Variants in STX17 observed in about 807,000 individuals in gnomAD.
STX17 encodes syntaxin-17.
In STX17, 29 loss-of-function variants were observed where a neutral mutation model predicts 35.9. That is an observed-to-expected ratio of 0.81 (90% CI 0.60 to 1.10). The LOEUF is 1.10. STX17 is among the 50% of genes least tolerant of loss of function. STX17 has a pLI of 0.00. For missense variants in STX17, 312 were observed against 352.3 expected, an observed-to-expected ratio of 0.89 and a Z score of 0.92; for synonymous variants, 92 against 118.3, an observed-to-expected ratio of 0.78 and a Z score of 1.44.
chr9:99,947,526 A>G (rs929466788), intron 3 of STX17, among the ~76,000 whole-genome samples: 3 of 152,142 alleles, frequency 2.0e-5, no homozygotes, highest in Non-Finnish European at 2.9e-5. Flanking sequence ...TATAGAAATT[A>G]TTTGAAGCTA....
At chr9:99,961,667 C>A (rs922312142) in intron 6 of STX17, among the ~76,000 whole-genome samples, 1 of 151,894 alleles carries the variant, frequency 6.6e-6, no homozygotes, top group Non-Finnish European at 1.5e-5. Flanking sequence ...TTCTTTGTTT[C>A]TGATCTAACC....
intron 7 of STX17, among the ~76,000 whole-genome samples, chr9:99,968,205 A>G (rs189937065): frequency 5.3e-5 from 8 of 152,330 alleles, no homozygotes; most frequent in East Asian, 1.9e-4. Context: ...AGTAAAATCA[A>G]TTTGTAGCAG....
chr9:99,966,913 C>T (rs1031553490), intron 6 of STX17, among the ~76,000 whole-genome samples: 1 of 152,220 alleles, frequency 6.6e-6, no homozygotes, highest in Non-Finnish European at 1.5e-5. Context: ...GGAGATTGAC[C>T]TGATGACCTC....
At chr9:99,943,852 C>G (rs935946054) in intron 3 of STX17, among the ~76,000 whole-genome samples, 2 of 152,064 alleles carry the variant, frequency 1.3e-5, no homozygotes, top group Non-Finnish European at 2.9e-5. Context: ...TTTTCTGTGC[C>G]TTTGAAGAAT....
rs140592072 is a variant in STX17 at position 99,935,965 on chromosome 9, T to C, written c.189+7122T>C. 1.2e-4 allele frequency among the ~76,000 whole-genome samples: 18 copies of C among 152,296 alleles called. No individual in the cohort carries two copies. In the East Asian group the frequency reaches 3.5e-3, roughly 29 times the overall value. On this transcript the variant is annotated intron_variant, in intron 3 of 7. Coordinates refer to ENST00000259400, the MANE Select transcript of STX17 (RefSeq NM_017919.3). ...TCAAAGAGATCAGAGGGTCAGATCATGGAGAGCCTTGCAGGATATGGTAAC... is the reference window on the plus strand; with the variant it reads ...TCAAAGAGATCAGAGGGTCAGATCACGGAGAGCCTTGCAGGATATGGTAAC...
chr9:99,928,970 A>G (rs1033301455), intron 3 of STX17, 127 bp downstream of exon 3: 2 of 779,524 alleles, frequency 2.6e-6, no homozygotes, highest in African/African-American at 1.8e-5. Context: ...TTGAGGATAC[A>G]TTTTTAGCAG....
chr9:99,951,300 T>TA lies in STX17; in HGVS notation c.415+17dup. 1 of 1,609,012 alleles carries TA rather than the reference T, an allele frequency of 6.2e-7. No homozygotes were observed. Among genetic ancestry groups the TA allele is most frequent in the Non-Finnish European group, 8.5e-7 (1 of 1,176,138 alleles). ...GACTGTTGGTGGTAATGTATTGTGC[T>TA]AAGTCTTATTCTCAGTCACAGTAGT... On this transcript the variant is annotated intron_variant, in intron 4 of 7. Coordinates refer to ENST00000259400, the MANE Select transcript of STX17 (RefSeq NM_017919.3).
chr9:99,965,135 G>C (rs1408149516), intron 6 of STX17, among the ~76,000 whole-genome samples: 1 of 152,136 alleles, frequency 6.6e-6, no homozygotes, highest in Non-Finnish European at 1.5e-5. Flanking sequence ...TCAAATGCTG[G>C]TGATTGCAAT....
At chr9:99,919,488 G>A (rs1048216843) in intron 2 of STX17, among the ~76,000 whole-genome samples, 1 of 152,148 alleles carries the variant, frequency 6.6e-6, no homozygotes, top group African/African-American at 2.4e-5. Flanking sequence ...TTGGTTTGCT[G>A]AGTCAGTTAC....
chr9:99,967,999 T>C (rs1044448614), intron 7 of STX17, among the ~76,000 whole-genome samples: 2 of 152,240 alleles, frequency 1.3e-5, no homozygotes, highest in Non-Finnish European at 2.9e-5. Context: ...AGGGAATATT[T>C]GCAGAGGGTA....
chr9:99,940,335 T>C (rs554260949), intron 3 of STX17, among the ~76,000 whole-genome samples: 91 of 152,054 alleles, frequency 6.0e-4, no homozygotes, highest in African/African-American at 2.0e-3. Context: ...TTTACCACGT[T>C]GGCCAGGCTG....
rs1312642679 is a variant in STX17, at chr9:99,969,381, C to T, written c.*708C>T. On this transcript the variant is annotated 3_prime_UTR_variant, in exon 8 of 8. Transcript: ENST00000259400. ...CTTGGTCTGTCAGCCTGTCTTCTAA[C>T]ACCTCAAAGATCTTGTGCCCTGTGC... 6.6e-6 allele frequency: 1 copy of T among 152,154 alleles called. No homozygotes were observed. The highest frequency in any genetic ancestry group is 1.5e-5 in the Non-Finnish European group (1 of 68,040). The allele number at this position is 152,154 out of a possible 1,614,324, so 9.4% of individuals were successfully genotyped here. A position where few individuals can be genotyped will look rare whatever the true frequency, so the allele number is the denominator to read the frequency against.
chr9:99,972,318 A>G lies in STX17; in HGVS notation c.*3645A>G, dbSNP rs1587947573. On this transcript the variant is annotated 3_prime_UTR_variant, in exon 8 of 8. Coordinates refer to ENST00000259400, the MANE Select transcript of STX17 (RefSeq NM_017919.3). ...TTTTAAAACAAATTTATCATAATTCATAGATCAAATGATTATCCTTTAAAA... is the reference window on the plus strand; with the variant it reads ...TTTTAAAACAAATTTATCATAATTCGTAGATCAAATGATTATCCTTTAAAA... 6.6e-6 allele frequency among the ~76,000 whole-genome samples: 1 copy of G among 152,260 alleles called. No individual in the cohort carries two copies. The highest frequency in any genetic ancestry group is 1.9e-4 in the East Asian group (1 of 5,204).
chr9:99,962,281 AG>A (rs1480120994), intron 6 of STX17, among the ~76,000 whole-genome samples: 1 of 152,216 alleles, frequency 6.6e-6, no homozygotes, highest in Non-Finnish European at 1.5e-5. Flanking sequence ...TTTCTGGATT[AG>A]GTATCTGTAC....
intron 3 of STX17, among the ~76,000 whole-genome samples, chr9:99,930,367 A>T (rs1004168902): frequency 6.6e-6 from 1 of 151,506 alleles, no homozygotes; most frequent in Admixed American, 6.6e-5. Flanking sequence ...TCCTGGGTTC[A>T]CGCCATTCTC....
chr9:99,918,766 C>G (rs1828833773), intron 2 of STX17, among the ~76,000 whole-genome samples: 1 of 152,068 alleles, frequency 6.6e-6, no homozygotes. Flanking sequence ...ATTGGAGAAC[C>G]ACTAGATGTC....
chr9:99,946,818 C>T (rs1447874220), intron 3 of STX17, among the ~76,000 whole-genome samples: 1 of 152,120 alleles, frequency 6.6e-6, no homozygotes, highest in Non-Finnish European at 1.5e-5. Context: ...TGTCTTTAGG[C>T]TTTCGTTATT....
At position 99,972,157 on chromosome 9, in the gene STX17, TTGG is replaced by T. The variant is rs1830028929; in HGVS notation, c.*3485_*3487del. ...GATGCAGACATAAACAGTGCTCAAT[TTGG>T]CCCTTAAACTATAAAATCAAGAAAG... On this transcript the variant is annotated 3_prime_UTR_variant, in exon 8 of 8. Coordinates refer to ENST00000259400, the MANE Select transcript of STX17 (RefSeq NM_017919.3). 6.6e-6 allele frequency among the ~76,000 whole-genome samples: 1 copy of T among 152,176 alleles called. No individual in the cohort carries two copies. The highest frequency in any genetic ancestry group is 1.5e-5 in the Non-Finnish European group (1 of 68,032).
chr9:99,954,042 A>T (rs1276462609), intron 4 of STX17: 2 of 152,058 alleles, frequency 1.3e-5, no homozygotes, highest in Non-Finnish European at 2.9e-5. Context: ...TTGAAGAAGT[A>T]TGTGCATAAA....
Sources: gnomAD v4.1 joint callset for allele counts (sites outside exome capture counted in the v4.1 genomes callset) on GRCh38, gnomAD v4.1.1 for gene constraint, MANE v1.5 for transcripts, NCBI Gene and HGNC (gene_info 2026-07-23, HGNC 2026-07-21) for gene names.